TNPO3: variants seen among roughly 807,000 people sequenced by gnomAD.
The protein encoded by TNPO3 is transportin-3.
TNPO3 carries 65 observed loss-of-function variants against 122.8 expected under a neutral mutation model. The ratio of observed to expected loss-of-function variants is 0.53; its 90% CI spans 0.43 to 0.65. The LOEUF is 0.65. Ranked by LOEUF, TNPO3 falls within the 30% of genes least tolerant of loss-of-function variation. The pLI, the probability that TNPO3 is intolerant of heterozygous loss-of-function variation, is 0.00. For missense variants in TNPO3, 850 were observed against 1,136.7 expected (o/e 0.75, Z 3.63); for synonymous variants, 372 against 411.2 (o/e 0.90, Z 1.15).
intron 12 of TNPO3, among the ~76,000 whole-genome samples, chr7:128,985,651 T>C (rs1306722195): frequency 3.3e-5 from 5 of 152,178 alleles, no homozygotes; most frequent in African/African-American, 1.2e-4. Flanking sequence ...TAGATACCAC[T>C]GAAAATTGGG....
intron 3 of TNPO3, among the ~76,000 whole-genome samples, chr7:129,015,996 T>C (rs1425153998): frequency 6.6e-6 from 1 of 151,884 alleles, no homozygotes; most frequent in African/African-American, 2.4e-5. Context: ...GGAGGATCAC[T>C]TGAGCCCGGG....
At position 129,001,217 on chromosome 7, in the gene TNPO3, C is replaced by A; in HGVS notation, c.714G>T (p.Ser238=). The A allele has an allele frequency of 6.2e-7, 1 of 1,611,734 alleles. No homozygotes were observed. Among genetic ancestry groups the A allele is most frequent in the Non-Finnish European group, 8.5e-7 (1 of 1,178,200 alleles). ...LFEVLQQDKT[S]SNLHEAASDC... ...CCGAAGCAGCTTCATGTAGGTTAGACGAGGTCTTATCCTGTTGCTGGGGAG... is the reference window on the plus strand; with the variant it reads ...CCGAAGCAGCTTCATGTAGGTTAGAAGAGGTCTTATCCTGTTGCTGGGGAG... The change falls in exon 6 of 23, where the codon TCG becomes TCT. Residue 238 remains serine, a synonymous_variant. Coordinates refer to ENST00000265388, the MANE Select transcript of TNPO3 (RefSeq NM_012470.4).
At chr7:128,970,117 T>C (rs765902296) in intron 20 of TNPO3, 31 bp downstream of exon 20, 5 of 1,609,592 alleles carry the variant, frequency 3.1e-6, no homozygotes, top group African/African-American at 1.3e-5. Context: ...TTAGGGACTA[T>C]GAGATAAATT....
At chr7:129,006,885 C>T (rs73240322) in intron 4 of TNPO3, among the ~76,000 whole-genome samples, 5,757 of 152,222 alleles carry the variant, frequency 0.038, 154 homozygotes, top group Non-Finnish European at 0.058. Flanking sequence ...TTAAGATATT[C>T]GGGTCTGGAA....
intron 11 of TNPO3, among the ~76,000 whole-genome samples, chr7:128,989,085 AAAAAAC>A (rs1380277572): frequency 6.6e-6 from 1 of 152,160 alleles, no homozygotes; most frequent in South Asian, 2.1e-4. Flanking sequence ...TCAAAACAAC[AAAAAAC>A]AAAAACAAAA....
At position 128,986,723 on chromosome 7, in the gene TNPO3, G is replaced by C. The variant is rs942109097; in HGVS notation, c.1690+6C>G. Reference sequence around the variant, plus strand: ...TGACTATTAGTGGTTAACATCAAGTGAGTACCTTTTAGCAAGCCCACAGCA... The same window carrying C: ...TGACTATTAGTGGTTAACATCAAGTCAGTACCTTTTAGCAAGCCCACAGCA... On this transcript the variant is annotated splice_donor_region_variant and intron_variant, in intron 12 of 22. Coordinates refer to ENST00000265388, the MANE Select transcript of TNPO3 (RefSeq NM_012470.4). 1.9e-6 allele frequency: 3 copies of C among 1,609,584 alleles called. No individual in the cohort carries two copies. The African/African-American group carries it at 4.0e-5, about 22-fold the overall frequency.
intron 17 of TNPO3, 133 bp downstream of exon 17, chr7:128,975,686 T>G: frequency 3.1e-6 from 2 of 637,090 alleles, no homozygotes; most frequent in Non-Finnish European, 5.5e-6. Flanking sequence ...TCCACCTCCC[T>G]GTTATTAGGA....
In TNPO3 at chr7:128,994,842, G is replaced by C. The variant is rs753983234; in HGVS notation, c.1159-928C>G. On this transcript the variant is annotated intron_variant, in intron 8 of 22. Transcript: ENST00000265388. ...TTGGCTAATTTTTATATTTTTTGTA[G>C]AGTTAGGGTTTTGCCATGTTGCCCA... 4.9e-4 allele frequency among the ~76,000 whole-genome samples: 75 copies of C among 152,132 alleles called. No individual in the cohort carries two copies. In the Middle Eastern group the frequency reaches 0.017, roughly 34 times the overall value.
intron 12 of TNPO3, among the ~76,000 whole-genome samples, chr7:128,986,413 G>C (rs1006314857): frequency 2.0e-5 from 3 of 152,064 alleles, no homozygotes; most frequent in Admixed American, 2.0e-4. Flanking sequence ...ATGCTTCTTT[G>C]GTCTCCCTTT....
intron 20 of TNPO3, among the ~76,000 whole-genome samples, chr7:128,969,535 T>C (rs1009964706): frequency 3.3e-4 from 50 of 152,326 alleles, no homozygotes; most frequent in African/African-American, 1.2e-3. Context: ...TACTTTACCA[T>C]TCTACTCAAC....
rs1799338598 is a variant in TNPO3 at position 128,978,833 on chromosome 7, T to C, written c.2061+150A>G. ...TTTTAGTAGAGACAGGGTTTCACCA[T>C]GTTGGCCAGGCTGGTCTTGAACTCC... On this transcript the variant is annotated intron_variant, in intron 16 of 22. Coordinates refer to ENST00000265388, the MANE Select transcript of TNPO3 (RefSeq NM_012470.4). 1.7e-5 allele frequency: 14 copies of C among 809,530 alleles called. No individual in the cohort carries two copies. In the South Asian group the frequency reaches 2.1e-4, roughly 12 times the overall value. 50.1% of individuals were successfully genotyped at this position (809,530 alleles called of 1,614,324 possible).
intron 10 of TNPO3, 143 bp from the exon 11 acceptor site, chr7:128,990,243 G>A (rs1383382024): frequency 1.1e-6 from 1 of 925,032 alleles, no homozygotes; most frequent in East Asian, 2.4e-5. Flanking sequence ...TATTTGTTAT[G>A]AAAGATTTTC....
chr7:129,049,492 A>G (rs1227072191), intron 1 of TNPO3, among the ~76,000 whole-genome samples: 1 of 152,250 alleles, frequency 6.6e-6, no homozygotes, highest in Non-Finnish European at 1.5e-5. Context: ...AAGTAAAAAC[A>G]AGAAGACCTA....
intron 21 of TNPO3, among the ~76,000 whole-genome samples, chr7:128,963,130 T>C (rs531963432): frequency 9.2e-5 from 14 of 152,366 alleles, no homozygotes; most frequent in Middle Eastern, 6.8e-3. Flanking sequence ...TCACATACTA[T>C]GTGCAAGATC....
intron 21 of TNPO3, among the ~76,000 whole-genome samples, chr7:128,958,946 G>C (rs142599969): frequency 1.3e-5 from 2 of 152,304 alleles, no homozygotes; most frequent in African/African-American, 4.8e-5. Flanking sequence ...TGAGGTTGCA[G>C]TGAGCCATGA....
chr7:128,965,954 T>C (rs1019458857), intron 21 of TNPO3, among the ~76,000 whole-genome samples: 2 of 152,212 alleles, frequency 1.3e-5, no homozygotes, highest in East Asian at 3.8e-4. Flanking sequence ...TGTTGCTTAA[T>C]GGGTATAGTT....
chr7:128,998,695 T>C (rs1261595068), intron 7 of TNPO3, among the ~76,000 whole-genome samples: 2 of 151,680 alleles, frequency 1.3e-5, no homozygotes, highest in South Asian at 4.2e-4. Context: ...GCTAATTTTT[T>C]AAATTTTCTG....
intron 18 of TNPO3, among the ~76,000 whole-genome samples, chr7:128,973,740 A>G (rs1241163368): frequency 2.8e-5 from 4 of 143,718 alleles, no homozygotes; most frequent in East Asian, 4.0e-4. Flanking sequence ...CGTCTCAAAA[A>G]AAAAAAAAAA....
At chr7:128,993,461 G>C (rs151128591) in intron 9 of TNPO3, among the ~76,000 whole-genome samples, 101 of 152,300 alleles carry the variant, frequency 6.6e-4, no homozygotes, top group African/African-American at 2.3e-3. Flanking sequence ...TACTAAAGCA[G>C]AAACACTTGC....
Sources: gnomAD v4.1 joint callset for allele counts (sites outside exome capture counted in the v4.1 genomes callset) on GRCh38, gnomAD v4.1.1 for gene constraint, MANE v1.5 for transcripts, NCBI Gene and HGNC (gene_info 2026-07-23, HGNC 2026-07-21) for gene names.